SLC35D1: variants seen among roughly 807,000 people sequenced by gnomAD.
SLC35D1 encodes the protein nucleotide sugar transporter SLC35D1.
In SLC35D1, 31 loss-of-function variants were observed where a neutral mutation model predicts 46.7. The observed-to-expected ratio is 0.66, with a 90% confidence interval of 0.50 to 0.90. The LOEUF (loss-of-function observed/expected upper bound fraction) is 0.90. Among genes scored for constraint, SLC35D1 ranks in the 40% least tolerant of loss-of-function variants. The pLI, the probability that SLC35D1 is intolerant of heterozygous loss-of-function variation, is 0.00. For missense variants in SLC35D1, 397 were observed against 426.2 expected (o/e 0.93, Z 0.60); for synonymous variants, 195 against 164.6 (o/e 1.18, Z -1.41).
intron 11 of SLC35D1, among the ~76,000 whole-genome samples, chr1:67,006,825 C>T (rs1035551802): frequency 6.6e-6 from 1 of 152,142 alleles, no homozygotes; most frequent in African/African-American, 2.4e-5. Flanking sequence ...ATTATACTCA[C>T]CAGTCAAGCA....
At position 66,999,510 on chromosome 1, in the gene SLC35D1, T is replaced by C. The variant is rs559292263; in HGVS notation, c.*4830A>G. On this transcript the variant is annotated 3_prime_UTR_variant, in exon 12 of 12. Coordinates refer to ENST00000235345, the MANE Select transcript of SLC35D1 (RefSeq NM_015139.3). ...ACACTAAAAATGGTCATTTGGTAAA[T>C]AGACTCTAAAATGAAAAAATACTGT... 1.6e-4 allele frequency: 24 copies of C among 152,328 alleles called. No homozygotes were observed. Among genetic ancestry groups the C allele is most frequent in the South Asian group, 6.2e-4 (3 of 4,830 alleles). The allele number at this position is 152,328 out of a possible 1,614,324, so 9.4% of individuals were successfully genotyped here. A position where few individuals can be genotyped will look rare whatever the true frequency, so the allele number is the denominator to read the frequency against.
At chr1:66,974,323 C>G in the SLC35D1 span, among the ~76,000 whole-genome samples, 1 of 151,690 alleles carries the variant, frequency 6.6e-6, no homozygotes, top group Non-Finnish European at 1.5e-5. Context: ...AGTTAACATT[C>G]AAGAAAAGGA....
intron 8 of SLC35D1, among the ~76,000 whole-genome samples, chr1:67,033,146 T>A (rs1668051597): frequency 2.0e-5 from 3 of 152,240 alleles, no homozygotes; most frequent in Admixed American, 2.0e-4. Context: ...ATTCATTCGC[T>A]GATGGACACT....
intron 8 of SLC35D1, among the ~76,000 whole-genome samples, chr1:67,027,113 T>A (rs1044600327): frequency 3.3e-4 from 50 of 152,334 alleles, no homozygotes; most frequent in African/African-American, 1.2e-3. Context: ...TGAGTGAGCT[T>A]TGGTACATAG....
intron 8 of SLC35D1, among the ~76,000 whole-genome samples, chr1:67,030,477 C>A (rs1205443641): frequency 6.6e-6 from 1 of 152,058 alleles, no homozygotes; most frequent in Non-Finnish European, 1.5e-5. Flanking sequence ...GCCTCATCTA[C>A]AGGGTTGTTA....
intron 10 of SLC35D1, among the ~76,000 whole-genome samples, chr1:67,011,004 A>C (rs890244157): frequency 5.3e-5 from 8 of 152,124 alleles, no homozygotes; most frequent in Admixed American, 2.0e-4. Flanking sequence ...AGCATTTATC[A>C]TCTATTCTCT....
the SLC35D1 span, chr1:66,986,621 CT>C: frequency 4.7e-6 from 3 of 642,360 alleles, no homozygotes; most frequent in East Asian, 2.6e-5. Flanking sequence ...ATGTGAACAA[CT>C]TTTTTTCCCA....
the SLC35D1 span, among the ~76,000 whole-genome samples, chr1:66,977,834 A>T: frequency 4.0e-5 from 6 of 151,828 alleles, no homozygotes; most frequent in Non-Finnish European, 5.9e-5. Flanking sequence ...AAATAAAAAT[A>T]AAAAAAAATT....
chr1:66,991,292 C>T, the SLC35D1 span, among the ~76,000 whole-genome samples: 1 of 152,136 alleles, frequency 6.6e-6, no homozygotes, highest in Non-Finnish European at 1.5e-5. Context: ...ACACATTCTC[C>T]CACTCTAAAG....
Position 67,007,476 on chromosome 1 carries a change from G to A in SLC35D1, c.959+1609C>T, listed in dbSNP as rs568118015. 6.7e-5 allele frequency among the ~76,000 whole-genome samples: 4 copies of A among 59,274 alleles called. No individual in the cohort carries two copies. In the East Asian group the frequency reaches 3.5e-3, roughly 51 times the overall value. The allele number at this position is 59,274 out of a possible 152,430, so 38.9% of individuals were successfully genotyped here. On this transcript the variant is annotated intron_variant, in intron 11 of 11. Transcript: ENST00000235345. ...GGAACACAAACATTCAGACCATAGA[G>A]CAAGGAATGTAACATTATGAAAGAG...
At chr1:66,985,262 A>C in the SLC35D1 span, 1 of 975,762 alleles carries the variant, frequency 1.0e-6, no homozygotes, top group South Asian at 4.7e-5. Context: ...TTTCACTACA[A>C]GGTAATTTTT....
At chr1:67,027,979 A>G (rs2755249) in intron 8 of SLC35D1, among the ~76,000 whole-genome samples, 121,071 of 152,096 alleles carry the variant, frequency 0.8, 48,674 homozygotes, top group African/African-American at 0.88. Flanking sequence ...TGATCCACCT[A>G]TCTCAGCCTC....
intron 10 of SLC35D1, among the ~76,000 whole-genome samples, chr1:67,020,039 T>TTC (rs974198679): frequency 5.3e-5 from 8 of 152,068 alleles, no homozygotes; most frequent in African/African-American, 1.9e-4. Flanking sequence ...AACACAGCAG[T>TTC]TCTCATTAGG....
rs563930211 is a variant in SLC35D1, at chr1:67,015,123, T to TA, written c.876+5245dup. ...TTCCAAAAGGAAAATGTGTTTTTAGTAAAAAAGGTTATAAAACACATAAAA... is the reference window on the plus strand; with the variant it reads ...TTCCAAAAGGAAAATGTGTTTTTAGTAAAAAAAGGTTATAAAACACATAAAA... On this transcript the variant is annotated intron_variant, in intron 10 of 11. Transcript: ENST00000235345. Among the ~76,000 whole-genome samples, 491 of 92,470 alleles carry TA rather than the reference T, an allele frequency of 5.3e-3. 6 individuals are homozygous for TA. The highest frequency in any genetic ancestry group is 0.018 in the African/African-American group (415 of 22,774). 60.7% of individuals were successfully genotyped at this position (92,470 alleles called of 152,430 possible).
chr1:67,039,455 G>A (rs1218270275), intron 8 of SLC35D1, among the ~76,000 whole-genome samples: 2 of 151,086 alleles, frequency 1.3e-5, no homozygotes. Context: ...TTAGTTTCAT[G>A]TATATTTTTC....
chr1:66,998,690 A>T (rs1387750874), downstream of SLC35D1, among the ~76,000 whole-genome samples: 1 of 152,246 alleles, frequency 6.6e-6, no homozygotes, highest in South Asian at 2.1e-4. Flanking sequence ...ATGTTACACA[A>T]CATGGAATAA....
At chr1:66,988,155 C>T in the SLC35D1 span, 1 of 152,052 alleles carries the variant, frequency 6.6e-6, no homozygotes, top group African/African-American at 2.4e-5. Context: ...TAAGGTTTTC[C>T]CAACTATAAT....
the SLC35D1 span, among the ~76,000 whole-genome samples, chr1:66,990,692 G>C: frequency 6.6e-6 from 1 of 152,130 alleles, no homozygotes; most frequent in Non-Finnish European, 1.5e-5. Context: ...ATCTATTTTC[G>C]TGTATATGTA....
chr1:67,008,871 G>C (rs1300823575), intron 11 of SLC35D1, among the ~76,000 whole-genome samples: 2 of 152,018 alleles, frequency 1.3e-5, no homozygotes, highest in Non-Finnish European at 2.9e-5. Context: ...GCCTCCCAAA[G>C]TGTTGGGATT....
Sources: gnomAD v4.1 joint callset for allele counts (sites outside exome capture counted in the v4.1 genomes callset) on GRCh38, gnomAD v4.1.1 for gene constraint, MANE v1.5 for transcripts, NCBI Gene and HGNC (gene_info 2026-07-23, HGNC 2026-07-21) for gene names.